NBEA: variants seen among roughly 807,000 people sequenced by gnomAD.
The protein encoded by NBEA is lysosomal-trafficking regulator 2.
NBEA carries 44 observed loss-of-function variants against 343.4 expected under a neutral mutation model. That is an observed-to-expected ratio of 0.13 (90% CI 0.10 to 0.16). The LOEUF (loss-of-function observed/expected upper bound fraction) is 0.16, where lower values mean the gene tolerates loss of function less well. Ranked by LOEUF, NBEA falls within the 10% of genes least tolerant of loss-of-function variation. The probability of loss-of-function intolerance (pLI) is 1.00; values close to 1 mark genes in which losing one functional copy is unlikely to be tolerated. For missense variants in NBEA, 2,555 were observed against 3,631.3 expected, an observed-to-expected ratio of 0.70 and a Z score of 7.62; for synonymous variants, 1,175 against 1,238.7, an observed-to-expected ratio of 0.95 and a Z score of 1.08.
intron 49 of NBEA, among the ~76,000 whole-genome samples, chr13:35,630,097 A>G (rs1324061792): frequency 6.6e-6 from 1 of 152,212 alleles, no homozygotes; most frequent in African/African-American, 2.4e-5. Flanking sequence ...AAAATACATT[A>G]AGCATCTTAT....
intron 18 of NBEA, among the ~76,000 whole-genome samples, chr13:35,148,933 T>G (rs186871362): frequency 1.3e-5 from 2 of 152,328 alleles, no homozygotes; most frequent in Non-Finnish European, 2.9e-5. Flanking sequence ...CCACAGGCCA[T>G]AGTTTTCTGA....
chr13:35,173,407 C>G, intron 26 of NBEA, 57 bp from the exon 27 acceptor site: 2 of 1,421,252 alleles, frequency 1.4e-6, no homozygotes, highest in South Asian at 1.5e-5. Flanking sequence ...GCAACTTTTT[C>G]CAGGATATCA....
intron 55 of NBEA, among the ~76,000 whole-genome samples, chr13:35,659,074 A>G (rs1401515445): frequency 6.6e-6 from 1 of 152,212 alleles, no homozygotes; most frequent in Non-Finnish European, 1.5e-5. Flanking sequence ...TGTGTTTTCT[A>G]TCTCATAATA....
rs1488844079 is a variant in NBEA at position 35,581,706 on chromosome 13, G to A, written c.7036-2192G>A. ...AATGAGAACACATGGACACAGGAAG[G>A]GGAACATCACACTCTGGGGACTGTT... On this transcript the variant is annotated intron_variant, in intron 45 of 58. Coordinates refer to ENST00000379939, the MANE Select transcript of NBEA (RefSeq NM_001385012.1). Among the ~76,000 whole-genome samples the A allele has an allele frequency of 1.6e-3, 223 of 135,972 alleles. 1 individual carries two copies. The highest frequency in any genetic ancestry group is 5.8e-3 in the African/African-American group (207 of 35,994). 89.2% of individuals were successfully genotyped at this position (135,972 alleles called of 152,430 possible).
chr13:35,637,950 C>A (rs974009656), intron 49 of NBEA, among the ~76,000 whole-genome samples: 1 of 152,048 alleles, frequency 6.6e-6, no homozygotes, highest in Non-Finnish European at 1.5e-5. Flanking sequence ...GAAGGAAATT[C>A]TGACACATGC....
chr13:35,343,087 AACTAAGCTGACATAGCT>A, intron 36 of NBEA, among the ~76,000 whole-genome samples: 1 of 152,090 alleles, frequency 6.6e-6, no homozygotes, highest in East Asian at 1.9e-4. Flanking sequence ...CTAATCAAAA[AACTAAGCTGACATAGCT>A]ATATTGATAT....
intron 33 of NBEA, among the ~76,000 whole-genome samples, chr13:35,214,755 A>C (rs1290380428): frequency 6.6e-6 from 1 of 151,792 alleles, no homozygotes; most frequent in African/African-American, 2.4e-5. Flanking sequence ...AAATCATAAG[A>C]AATCTTTACC....
chr13:35,584,141 A>G, intron 46 of NBEA, 103 bp downstream of exon 46: 1 of 1,143,126 alleles, frequency 8.7e-7, no homozygotes, highest in Non-Finnish European at 1.3e-6. Context: ...AACAAAGATT[A>G]GAGACGAGTG....
chr13:35,649,102 A>G (rs2084388248), intron 51 of NBEA, among the ~76,000 whole-genome samples: 1 of 152,202 alleles, frequency 6.6e-6, no homozygotes, highest in African/African-American at 2.4e-5. Flanking sequence ...CAAGGCTTCA[A>G]CCATAAACAG....
chr13:35,184,177 G>A, intron 30 of NBEA, 106 bp downstream of exon 30: 2 of 719,564 alleles, frequency 2.8e-6, no homozygotes, highest in South Asian at 2.6e-5. Context: ...ATATACCTCA[G>A]GTTTCATGGA....
chr13:35,469,618 A>G (rs114123000), intron 40 of NBEA, among the ~76,000 whole-genome samples: 3,260 of 152,322 alleles, frequency 0.021, 120 homozygotes, highest in African/African-American at 0.071. Flanking sequence ...TTTAATATCA[A>G]TATTTCTATG....
At chr13:35,376,045 T>G (rs990289464) in intron 38 of NBEA, among the ~76,000 whole-genome samples, 1 of 152,034 alleles carries the variant, frequency 6.6e-6, no homozygotes, top group African/African-American at 2.4e-5. Context: ...ATTTTATATA[T>G]TTATTATTAT....
Position 35,262,657 on chromosome 13 carries a change from G to A in NBEA, c.5777-27732G>A, listed in dbSNP as rs544157242. The stretch of plus-strand genomic sequence containing the variant: ...TCATACTGATGAAAATGGATTAGTG[G>A]TGGCCAGGAGTTATGGGTGAGGTTA... On this transcript the variant is annotated intron_variant, in intron 34 of 58. Coordinates refer to ENST00000379939, the MANE Select transcript of NBEA (RefSeq NM_001385012.1). Among the ~76,000 whole-genome samples the A allele has an allele frequency of 5.1e-4, 77 of 152,270 alleles. No individual in the cohort carries two copies. In the South Asian group the frequency reaches 0.014, roughly 27 times the overall value.
chr13:35,211,012 A>C, intron 32 of NBEA, 41 bp from the exon 33 acceptor site: 1 of 1,528,794 alleles, frequency 6.5e-7, no homozygotes. Flanking sequence ...TTTTTTAAAT[A>C]AATTTATGTT....
At chr13:35,338,504 G>A (rs1191383800) in intron 36 of NBEA, among the ~76,000 whole-genome samples, 3 of 152,006 alleles carry the variant, frequency 2.0e-5, no homozygotes, top group African/African-American at 7.2e-5. Context: ...ATTACCAGAT[G>A]TTTTCCCTGG....
intron 45 of NBEA, among the ~76,000 whole-genome samples, chr13:35,574,523 A>G (rs778884969): frequency 2.0e-5 from 3 of 152,128 alleles, no homozygotes; most frequent in Non-Finnish European, 4.4e-5. Flanking sequence ...AGGAGTCAAA[A>G]GAAATGCGGT....
At chr13:34,952,587 T>A (rs987588944) in intron 1 of NBEA, among the ~76,000 whole-genome samples, 1 of 152,162 alleles carries the variant, frequency 6.6e-6, no homozygotes, top group African/African-American at 2.4e-5. Flanking sequence ...CCACTGTATA[T>A]ACCATATTTG....
intron 1 of NBEA, among the ~76,000 whole-genome samples, chr13:35,021,815 T>G (rs1435601409): frequency 1.3e-5 from 2 of 152,204 alleles, no homozygotes; most frequent in Non-Finnish European, 2.9e-5. Context: ...TGCATTATCT[T>G]AAGCCCATAG....
chr13:35,458,064 T>C (rs9573953), intron 40 of NBEA, among the ~76,000 whole-genome samples: 32,452 of 152,150 alleles, frequency 0.21, 3,614 homozygotes, highest in South Asian at 0.34. Flanking sequence ...TGGACATATG[T>C]TTTCATTTAT....
Sources: gnomAD v4.1 joint callset for allele counts (sites outside exome capture counted in the v4.1 genomes callset) on GRCh38, gnomAD v4.1.1 for gene constraint, MANE v1.5 for transcripts, NCBI Gene and HGNC (gene_info 2026-07-23, HGNC 2026-07-21) for gene names.